CHLSN: variants seen among roughly 807,000 people sequenced by gnomAD.
CHLSN encodes the protein protein cholesin.
At chr7:1,023,499 C>T in the CHLSN span, among the ~76,000 whole-genome samples, 1 of 151,998 alleles carries the variant, frequency 6.6e-6, no homozygotes, top group South Asian at 2.1e-4. This position sits in a 1 kb window ranked among gnomAD's most constrained non-coding sequence, Gnocchi z 5.0. Context: ...TGCAGGGTCC[C>T]CCGCAGGCTC....
At chr7:1,071,166 G>A in the CHLSN span, among the ~76,000 whole-genome samples, 2 of 152,230 alleles carry the variant, frequency 1.3e-5, no homozygotes, top group African/African-American at 4.8e-5. Flanking sequence ...TTCAAGCAAA[G>A]CCACACTGAC....
the CHLSN span, chr7:1,028,426 G>T: frequency 4.1e-6 from 4 of 985,682 alleles, no homozygotes; most frequent in African/African-American, 3.5e-5. Flanking sequence ...GGACCGTGAC[G>T]CCAGCGCGCC....
the CHLSN span, among the ~76,000 whole-genome samples, chr7:1,042,196 A>G: frequency 6.6e-6 from 1 of 152,186 alleles, no homozygotes; most frequent in Admixed American, 6.5e-5. Context: ...GCCCCAGGCC[A>G]GGAGCGCACA....
At chr7:1,068,241 G>A in the CHLSN span, among the ~76,000 whole-genome samples, 3 of 152,044 alleles carry the variant, frequency 2.0e-5, no homozygotes, top group East Asian at 1.9e-4. Flanking sequence ...GTTTCCCCTC[G>A]TGGTGCTCAC....
the CHLSN span, among the ~76,000 whole-genome samples, chr7:1,010,824 G>A: frequency 6.6e-6 from 1 of 152,188 alleles, no homozygotes; most frequent in African/African-American, 2.4e-5. Flanking sequence ...GTGACCATGA[G>A]GTGACCCCAG....
the CHLSN span, chr7:1,093,931 A>G: frequency 6.2e-6 from 2 of 325,004 alleles, no homozygotes; most frequent in Admixed American, 4.0e-5. Context: ...GCCACCCTGA[A>G]AACTCTCACA....
the CHLSN span, among the ~76,000 whole-genome samples, chr7:1,084,104 G>A: frequency 6.6e-6 from 1 of 152,236 alleles, no homozygotes; most frequent in African/African-American, 2.4e-5. Context: ...GCAGAAATTG[G>A]AGCAGAGTTC....
the CHLSN span, chr7:1,091,610 T>C: frequency 2.4e-6 from 2 of 849,292 alleles, no homozygotes; most frequent in Non-Finnish European, 3.7e-6. Context: ...GTTTCCTGTC[T>C]GACAAATGCC....
the CHLSN span, among the ~76,000 whole-genome samples, chr7:1,133,409 A>AAAAAAAAAAAAC: frequency 4.7e-5 from 7 of 149,544 alleles, 1 homozygote; most frequent in East Asian, 8.8e-4. Flanking sequence ...AAAAAAAAAA[A>AAAAAAAAAAAAC]AAAACTATAA....
the CHLSN span, among the ~76,000 whole-genome samples, chr7:1,134,599 TG>T: frequency 6.7e-6 from 1 of 149,824 alleles, no homozygotes; most frequent in Non-Finnish European, 1.5e-5. Flanking sequence ...CCGGGTGCGG[TG>T]GCTCACGCCT....
At chr7:1,053,737 G>C in the CHLSN span, among the ~76,000 whole-genome samples, 2 of 152,228 alleles carry the variant, frequency 1.3e-5, no homozygotes, top group African/African-American at 2.4e-5. Flanking sequence ...TGAGGCAGGA[G>C]AATCGCTTGA....
chr7:1,090,383 G>A, the CHLSN span, among the ~76,000 whole-genome samples: 11 of 152,242 alleles, frequency 7.2e-5, no homozygotes, highest in African/African-American at 2.7e-4. Context: ...CACGGGGCAG[G>A]TGACGGGACC....
At chr7:1,061,692 C>T in the CHLSN span, among the ~76,000 whole-genome samples, 2 of 152,272 alleles carry the variant, frequency 1.3e-5, no homozygotes, top group Admixed American at 6.5e-5. Context: ...TTGAGCCACT[C>T]GGGGCAGAAA....
the CHLSN span, among the ~76,000 whole-genome samples, chr7:1,065,843 A>C: frequency 6.6e-6 from 1 of 152,164 alleles, no homozygotes; most frequent in Non-Finnish European, 1.5e-5. Flanking sequence ...GTAAGATTTC[A>C]AGTGCGGGCA....
the CHLSN span, among the ~76,000 whole-genome samples, chr7:1,039,413 T>G: frequency 1.1e-3 from 6 of 5,304 alleles, no homozygotes; most frequent in South Asian, 3.7e-3. Context: ...GGGAGGGAGG[T>G]GGGGGGGGGG....
At chr7:990,925 C>T in the CHLSN span, among the ~76,000 whole-genome samples, 1 of 152,092 alleles carries the variant, frequency 6.6e-6, no homozygotes, top group Non-Finnish European at 1.5e-5. Context: ...TGTCAGGGCT[C>T]CCGGGTGGGG....
At chr7:1,067,650 G>A in the CHLSN span, among the ~76,000 whole-genome samples, 1 of 42,608 alleles carries the variant, frequency 2.3e-5, no homozygotes. Flanking sequence ...GTTGGTGGAG[G>A]CTGGAGTACA....
chr7:1,096,918 G>T, the CHLSN span, among the ~76,000 whole-genome samples: 1 of 152,128 alleles, frequency 6.6e-6, no homozygotes, highest in African/African-American at 2.4e-5. The surrounding 1 kb of genome is among the most constrained non-coding windows in gnomAD (Gnocchi z 4.6). Flanking sequence ...CTTCTTAGGA[G>T]GGTGTTTCTG....
chr7:1,067,054 C>G, the CHLSN span, among the ~76,000 whole-genome samples: 1 of 142,016 alleles, frequency 7.0e-6, no homozygotes, highest in Non-Finnish European at 1.5e-5. Context: ...AGTCTATTGG[C>G]AGAAGCTGGA....
Sources: gnomAD v4.1 joint callset for allele counts (sites outside exome capture counted in the v4.1 genomes callset) on GRCh38, gnomAD v4.1.1 for gene constraint, Gnocchi (gnomAD v3.1) non-coding constraint, MANE v1.5 for transcripts, NCBI Gene and HGNC (gene_info 2026-07-23, HGNC 2026-07-21) for gene names.